Variants in DLGAP2 observed in about 807,000 individuals in gnomAD.
DLGAP2 encodes the protein disks large-associated protein 2.
Under a neutral mutation model 100.3 loss-of-function variants are expected in DLGAP2, and 26 were observed. The observed-to-expected ratio is 0.26, with a 90% confidence interval of 0.19 to 0.36. The LOEUF is 0.36. Ranked by LOEUF, DLGAP2 falls within the 10% of genes least tolerant of loss-of-function variation. The pLI is 1.00. For synonymous variants in DLGAP2, 886 were observed against 630.1 expected (o/e 1.41, Z -6.08); for missense variants, 1,858 against 1,453.2 (o/e 1.28, Z -4.53).
At chr8:1,096,575 C>G (rs1391193110) in intron 2 of DLGAP2, among the ~76,000 whole-genome samples, 4 of 150,252 alleles carry the variant, frequency 2.7e-5, no homozygotes, top group African/African-American at 4.9e-5. Flanking sequence ...AAGCTGGGAG[C>G]CTAGGGCAGG....
At chr8:1,648,510 G>C (rs1798093090) in intron 8 of DLGAP2, among the ~76,000 whole-genome samples, 2 of 152,168 alleles carry the variant, frequency 1.3e-5, no homozygotes, top group African/African-American at 4.8e-5. Context: ...CTCCCAGGAG[G>C]TTTGGAGGCA....
rs79176585 is a variant in DLGAP2 at position 919,338 on chromosome 8, C to T, written c.73+11372C>T. Among the ~76,000 whole-genome samples the T allele has an allele frequency of 7.8e-3, 1,193 of 152,238 alleles. 15 individuals carry two copies. Among genetic ancestry groups the T allele is most frequent in the Middle Eastern group, 0.01 (3 of 294 alleles). On this transcript the variant is annotated intron_variant, in intron 2 of 14. Transcript: ENST00000637795. The stretch of plus-strand genomic sequence containing the variant: ...CAGAGCTGCCGACATCAGGCCGCGA[C>T]GGGCAGGATGCTTGTGCTTTCTGAT...
chr8:1,117,200 G>A (rs531099162), intron 2 of DLGAP2, among the ~76,000 whole-genome samples: 10 of 152,198 alleles, frequency 6.6e-5, no homozygotes, highest in African/African-American at 2.2e-4. Flanking sequence ...GTCTTCTTGA[G>A]GTGAGCCTGT....
intron 3 of DLGAP2, chr8:1,369,816 A>G (rs943528402): frequency 1.3e-4 from 20 of 152,250 alleles, no homozygotes; most frequent in African/African-American, 4.8e-4. Flanking sequence ...TGGTTCTCTG[A>G]TGCTCTCACG....
At chr8:1,186,133 G>T (rs1053408141) in intron 2 of DLGAP2, among the ~76,000 whole-genome samples, 2 of 152,200 alleles carry the variant, frequency 1.3e-5, no homozygotes, top group African/African-American at 2.4e-5. Context: ...TTCTCGCTTT[G>T]CGCCCTTGTC....
chr8:784,287 A>G (rs530663935), intron 1 of DLGAP2, among the ~76,000 whole-genome samples: 2 of 152,346 alleles, frequency 1.3e-5, no homozygotes, highest in South Asian at 2.1e-4. Flanking sequence ...ATCATCTAGA[A>G]TCTTTCTCAC....
chr8:956,302 C>T (rs1376207306), intron 2 of DLGAP2, among the ~76,000 whole-genome samples: 1 of 152,212 alleles, frequency 6.6e-6, no homozygotes, highest in Admixed American at 6.5e-5. Context: ...TCAAAAGCTG[C>T]TTGGCAAGGC....
intron 2 of DLGAP2, among the ~76,000 whole-genome samples, chr8:1,145,933 G>A (rs1365344502): frequency 6.6e-6 from 1 of 151,778 alleles, no homozygotes; most frequent in Non-Finnish European, 1.5e-5. Context: ...TCCCTACAAA[G>A]GACATGAACT....
At chr8:1,368,175 T>C (rs2129691693) in intron 3 of DLGAP2, among the ~76,000 whole-genome samples, 1 of 152,246 alleles carries the variant, frequency 6.6e-6, no homozygotes, top group East Asian at 1.9e-4. Context: ...TGTGCATGTG[T>C]GTGTGTATGT....
chr8:1,039,319 C>T (rs1378112512), intron 2 of DLGAP2, among the ~76,000 whole-genome samples: 4 of 145,732 alleles, frequency 2.7e-5, no homozygotes, highest in Admixed American at 6.8e-5. Flanking sequence ...GCTCGGTGTG[C>T]GTGGTCAGCT....
rs905264650 is a variant in DLGAP2 at position 907,900 on chromosome 8, G to C, written c.19-12G>C. ...GATAACAAATGTATTTTATTTATTT[G>C]TTTTAAAACAGGTTTTGCCTGGCAT... On this transcript the variant is annotated splice_polypyrimidine_tract_variant and intron_variant, in intron 1 of 14. Coordinates refer to ENST00000637795, the MANE Select transcript of DLGAP2 (RefSeq NM_001346810.2). The C allele has an allele frequency of 2.5e-6, 1 of 398,862 alleles. No homozygotes were observed. The highest frequency in any genetic ancestry group is 2.1e-5 in the African/African-American group (1 of 48,754). 24.7% of individuals were successfully genotyped at this position (398,862 alleles called of 1,614,324 possible). A position where few individuals can be genotyped will look rare whatever the true frequency, so the allele number is the denominator to read the frequency against.
chr8:790,733 G>T (rs1822001771), intron 1 of DLGAP2, among the ~76,000 whole-genome samples: 1 of 152,216 alleles, frequency 6.6e-6, no homozygotes, highest in African/African-American at 2.4e-5. Context: ...TCACCTTCAT[G>T]TGAAAAGATT....
At chr8:787,312 A>G (rs866131263) in intron 1 of DLGAP2, among the ~76,000 whole-genome samples, 6 of 152,108 alleles carry the variant, frequency 3.9e-5, no homozygotes, top group Non-Finnish European at 7.4e-5. Flanking sequence ...GGTGATACTG[A>G]CGTTCTGTGA....
intron 3 of DLGAP2, among the ~76,000 whole-genome samples, chr8:1,483,229 C>G (rs756829020): frequency 6.6e-6 from 1 of 152,114 alleles, no homozygotes; most frequent in South Asian, 2.1e-4. Flanking sequence ...TGTGGGGAAA[C>G]TCAGAAGGTT....
chr8:815,227 G>T (rs948763046), intron 1 of DLGAP2, among the ~76,000 whole-genome samples: 1 of 152,214 alleles, frequency 6.6e-6, no homozygotes, highest in African/African-American at 2.4e-5. Flanking sequence ...TTGGGGTCTG[G>T]TGAGGGCTGC....
chr8:775,531 C>G (rs1332907594), intron 1 of DLGAP2, among the ~76,000 whole-genome samples: 4 of 127,806 alleles, frequency 3.1e-5, no homozygotes, highest in African/African-American at 1.2e-4. Context: ...CCCATCAATA[C>G]CTAATTTATT....
At position 1,012,374 on chromosome 8, in the gene DLGAP2, C is replaced by T. The variant is rs555682976; in HGVS notation, c.73+104408C>T. On this transcript the variant is annotated intron_variant, in intron 2 of 14. Coordinates refer to ENST00000637795, the MANE Select transcript of DLGAP2 (RefSeq NM_001346810.2). The stretch of plus-strand genomic sequence containing the variant: ...ACAGATACTGTACTGTGATAGAAAG[C>T]GCCCGCGGCAAATGCTTCTTGGACC... Among the ~76,000 whole-genome samples the T allele has an allele frequency of 9.5e-4, 145 of 152,384 alleles. 1 individual carries two copies. Among genetic ancestry groups the T allele is most frequent in the Non-Finnish European group, 1.6e-3 (110 of 68,040 alleles).
chr8:940,938 G>A (rs1207405919), intron 2 of DLGAP2, among the ~76,000 whole-genome samples: 1 of 152,090 alleles, frequency 6.6e-6, no homozygotes, highest in African/African-American at 2.4e-5. Context: ...GCGGGCGTAG[G>A]GTACCACCTG....
intron 4 of DLGAP2, among the ~76,000 whole-genome samples, chr8:1,504,192 G>C (rs1325851705): frequency 6.6e-6 from 1 of 151,048 alleles, no homozygotes; most frequent in Non-Finnish European, 1.5e-5. Flanking sequence ...GTCTTTAAAA[G>C]TTCTTTACCT....
Sources: allele counts gnomAD v4.1 joint callset (sites outside exome capture counted in the v4.1 genomes callset), GRCh38; gene constraint gnomAD v4.1.1; transcripts MANE v1.5; gene names NCBI Gene and HGNC (gene_info 2026-07-23, HGNC 2026-07-21).